Variants in ATP13A4 observed in about 807,000 individuals in gnomAD.
The protein encoded by ATP13A4 is ATPase 13A4.
Under a neutral mutation model 142.5 loss-of-function variants are expected in ATP13A4, and 114 were observed. The ratio of observed to expected loss-of-function variants is 0.80; its 90% CI spans 0.69 to 0.93. ATP13A4 has a LOEUF of 0.93. ATP13A4 is among the 40% of genes least tolerant of loss of function. The probability of loss-of-function intolerance (pLI) is 0.00; values close to 1 mark genes in which losing one functional copy is unlikely to be tolerated. For missense variants in ATP13A4, 1,392 were observed against 1,454.0 expected (o/e 0.96, Z 0.69); for synonymous variants, 488 against 514.8 (o/e 0.95, Z 0.70).
chr3:193,502,837 C>G (rs1720629554), intron 2 of ATP13A4, among the ~76,000 whole-genome samples, 198 bp from the exon 3 acceptor site: 1 of 152,150 alleles, frequency 6.6e-6, no homozygotes, highest in South Asian at 2.1e-4. Context: ...ACTGAGGAAT[C>G]TGGATATGAA....
At chr3:193,519,521 T>C (rs1438671647) in intron 1 of ATP13A4, among the ~76,000 whole-genome samples, 1 of 152,076 alleles carries the variant, frequency 6.6e-6, no homozygotes, top group East Asian at 1.9e-4. Context: ...CTTTAAATAT[T>C]TGCTTTTCAG....
chr3:193,582,086 T>C (rs1234605623), intron 1 of ATP13A4, among the ~76,000 whole-genome samples: 5 of 33,144 alleles, frequency 1.5e-4, no homozygotes, highest in African/African-American at 8.7e-4. Context: ...AAGACTTCCA[T>C]ATATATATAT....
intron 6 of ATP13A4, among the ~76,000 whole-genome samples, chr3:193,490,367 G>A (rs1719878550): frequency 6.6e-6 from 1 of 152,178 alleles, no homozygotes; most frequent in African/African-American, 2.4e-5. Context: ...GGTTTATAAA[G>A]TTAAAATACT....
intron 25 of ATP13A4, among the ~76,000 whole-genome samples, chr3:193,430,392 G>A (rs1715904779): frequency 6.6e-6 from 1 of 152,118 alleles, no homozygotes; most frequent in African/African-American, 2.4e-5. Context: ...GATCAATACA[G>A]ACTAAATGTT....
intron 17 of ATP13A4, among the ~76,000 whole-genome samples, chr3:193,449,586 A>G (rs1717150539): frequency 6.6e-6 from 1 of 152,212 alleles, no homozygotes; most frequent in Admixed American, 6.5e-5. Context: ...GTTCCAAATT[A>G]TCTTTCCAGC....
chr3:193,531,923 T>G (rs1722360689), intron 1 of ATP13A4, among the ~76,000 whole-genome samples: 1 of 152,210 alleles, frequency 6.6e-6, no homozygotes, highest in African/African-American at 2.4e-5. Context: ...CACTAGGTAA[T>G]GAGTTATCTG....
rs189172513 is a variant in ATP13A4, at chr3:193,469,963, A to G, written c.943+896T>C. Among the ~76,000 whole-genome samples, 15 of 152,332 alleles carry G rather than the reference A, an allele frequency of 9.8e-5. No individual in the cohort carries two copies. The East Asian group carries it at 2.7e-3, about 27-fold the overall frequency. ...TTGAGGGAAAAGAACCTGCTTTGCC[A>G]TGGTCTGCGACACATCTATTCTTTG... On this transcript the variant is annotated intron_variant, in intron 9 of 29. Transcript: ENST00000342695.
At chr3:193,519,544 C>T (rs913678950) in intron 1 of ATP13A4, among the ~76,000 whole-genome samples, 4 of 151,640 alleles carry the variant, frequency 2.6e-5, no homozygotes, top group Admixed American at 1.3e-4. Context: ...AGGTCTCAGC[C>T]AACCATCCTA....
chr3:193,557,248 C>G (rs116182581), upstream of ATP13A4, among the ~76,000 whole-genome samples: 447 of 152,268 alleles, frequency 2.9e-3, 5 homozygotes, highest in African/African-American at 1.0e-2. Context: ...AAATTATTTT[C>G]CACAAACCTG....
chr3:193,591,103 G>A (rs1224073527), intron 1 of ATP13A4, among the ~76,000 whole-genome samples: 3 of 152,136 alleles, frequency 2.0e-5, no homozygotes, highest in East Asian at 1.9e-4. Flanking sequence ...TCGATCTGTC[G>A]CTCAGGCTGG....
intron 26 of ATP13A4, among the ~76,000 whole-genome samples, chr3:193,413,361 G>A (rs1030459751): frequency 5.3e-5 from 8 of 152,132 alleles, no homozygotes; most frequent in African/African-American, 1.7e-4. Context: ...TGTAAAACAT[G>A]TGTGTTTGAA....
At position 193,448,326 on chromosome 3, in the gene ATP13A4, T is replaced by C; in HGVS notation, c.2032A>G (p.Thr678Ala). 6.2e-7 allele frequency: 1 copy of C among 1,613,918 alleles called. No individual in the cohort carries two copies. The highest frequency in any genetic ancestry group is 1.1e-5 in the South Asian group (1 of 91,080). ...DHHATTLTRE[T>A]VESDLIFLGL... ...AGAAATATCAGGTCTGATTCTACCG[T>C]CTCCCTGAAAATACATATATAGATG... Residue 678 changes from threonine (T) to alanine (A), a missense_variant, in exon 18 of 30, where the codon ACG becomes GCG. Physicochemically the swap from Thr to Ala is moderately conservative, Grantham distance 58 (BLOSUM62 0). Coordinates refer to ENST00000342695, the MANE Select transcript of ATP13A4 (RefSeq NM_032279.4).
At chr3:193,443,124 A>T (rs1716750731) in intron 18 of ATP13A4, among the ~76,000 whole-genome samples, 1 of 152,160 alleles carries the variant, frequency 6.6e-6, no homozygotes, top group African/African-American at 2.4e-5. Flanking sequence ...GCCTCAGTTA[A>T]AAAGCTGTTT....
At chr3:193,487,264 G>C (rs534646937) in intron 7 of ATP13A4, among the ~76,000 whole-genome samples, 1 of 152,080 alleles carries the variant, frequency 6.6e-6, no homozygotes, top group Non-Finnish European at 1.5e-5. Flanking sequence ...ACTGCAGGGG[G>C]ACCATAACAT....
chr3:193,457,116 G>A lies in ATP13A4; in HGVS notation c.1799C>T (p.Pro600Leu). 1 of 1,613,558 alleles carries A rather than the reference G, an allele frequency of 6.2e-7. No individual in the cohort carries two copies. The highest frequency in any genetic ancestry group is 8.5e-7 in the Non-Finnish European group (1 of 1,180,036). ...CATTCTTTGCAGTGCCGATGAGAAT[G>A]GGAACTGATGCAGGATTGCAATTCC... The part of the protein sequence containing the change: ...VEGIAILHQF[P>L]FSSALQRMTV... The change falls in exon 16 of 30, where the codon CCA (proline) becomes CTA (leucine). Residue 600 changes from proline (P) to leucine (L), a missense_variant. By Grantham distance (98) the Pro-to-Leu change is moderately conservative. Coordinates refer to ENST00000342695, the MANE Select transcript of ATP13A4 (RefSeq NM_032279.4).
chr3:193,408,850 C>A (rs1400473554), intron 28 of ATP13A4, among the ~76,000 whole-genome samples: 1 of 152,228 alleles, frequency 6.6e-6, no homozygotes, highest in African/African-American at 2.4e-5. Flanking sequence ...CCCACTTCCT[C>A]TGGCTTTCTA....
chr3:193,560,799 T>C (rs763953641), intron 2 of ATP13A4, among the ~76,000 whole-genome samples: 2 of 152,156 alleles, frequency 1.3e-5, no homozygotes, highest in African/African-American at 4.8e-5. Flanking sequence ...TACCAGGCAA[T>C]TGAAGCTCAC....
At chr3:193,478,343 C>G (rs975549711) in intron 8 of ATP13A4, among the ~76,000 whole-genome samples, 1 of 151,674 alleles carries the variant, frequency 6.6e-6, no homozygotes, top group African/African-American at 2.4e-5. Context: ...AAAGCTGGTT[C>G]TTTGAAAAGA....
chr3:193,427,840 G>C (rs1715750198), intron 25 of ATP13A4, among the ~76,000 whole-genome samples: 2 of 152,066 alleles, frequency 1.3e-5, no homozygotes, highest in African/African-American at 4.8e-5. Context: ...AAAAACCCTA[G>C]AAGAAAACCT....
Sources: allele counts gnomAD v4.1 joint callset (sites outside exome capture counted in the v4.1 genomes callset), GRCh38; gene constraint gnomAD v4.1.1; transcripts MANE v1.5; gene names NCBI Gene and HGNC (gene_info 2026-07-23, HGNC 2026-07-21).